The following PPP2R3A variants were observed in gnomAD, a reference collection of about 807,000 sequenced individuals.
PPP2R3A encodes the protein protein phosphatase 2 regulatory subunit B''alpha, also known as serine/threonine-protein phosphatase 2A regulatory subunit B'' subunit alpha.
Under a neutral mutation model 106.9 loss-of-function variants are expected in PPP2R3A, and 80 were observed. The ratio of observed to expected loss-of-function variants is 0.75; its 90% CI spans 0.62 to 0.90. The LOEUF (loss-of-function observed/expected upper bound fraction) is 0.90. PPP2R3A is among the 40% of genes least tolerant of loss of function. The probability of loss-of-function intolerance (pLI) is 0.00; values close to 1 mark genes in which losing one functional copy is unlikely to be tolerated. For synonymous variants in PPP2R3A, 483 were observed against 468.3 expected, an observed-to-expected ratio of 1.03 and a Z score of -0.41; for missense variants, 1,386 against 1,350.4, an observed-to-expected ratio of 1.03 and a Z score of -0.41.
chr3:136,008,363 C>G (rs1933918006), intron 2 of PPP2R3A, among the ~76,000 whole-genome samples: 1 of 152,174 alleles, frequency 6.6e-6, no homozygotes, highest in Non-Finnish European at 1.5e-5. Context: ...CTCTCCTCCT[C>G]TCAATTGCCA....
chr3:136,142,521 TAGG>T (rs2108038994), intron 13 of PPP2R3A, among the ~76,000 whole-genome samples: 2 of 152,244 alleles, frequency 1.3e-5, no homozygotes, highest in South Asian at 4.1e-4. Flanking sequence ...TCCCCCAATA[TAGG>T]ATTAGGTGTC....
chr3:136,136,076 ATATATAT>A (rs1938612367), intron 13 of PPP2R3A, among the ~76,000 whole-genome samples: 1 of 29,802 alleles, frequency 3.4e-5, no homozygotes, highest in African/African-American at 4.8e-5. Context: ...AAAAAAAATT[ATATATAT>A]ATATATATAT....
intron 1 of PPP2R3A, among the ~76,000 whole-genome samples, chr3:135,996,872 G>C (rs78330343): frequency 6.6e-6 from 1 of 151,976 alleles, no homozygotes; most frequent in Non-Finnish European, 1.5e-5. Flanking sequence ...CAATAATTTT[G>C]CTTTCAGTTT....
chr3:136,004,390 A>C (rs539680637), intron 2 of PPP2R3A, among the ~76,000 whole-genome samples: 151 of 152,304 alleles, frequency 9.9e-4, no homozygotes, highest in African/African-American at 3.5e-3. Context: ...CCATTGACCC[A>C]TCTAGGATAT....
intron 13 of PPP2R3A, among the ~76,000 whole-genome samples, chr3:136,135,805 C>T (rs1363561341): frequency 1.3e-5 from 2 of 151,994 alleles, no homozygotes; most frequent in Non-Finnish European, 2.9e-5. Context: ...AATCTCAACA[C>T]TTTGGGAGGC....
At chr3:136,049,197 G>T in intron 4 of PPP2R3A, 62 bp from the exon 5 acceptor site, 1 of 1,202,734 alleles carries the variant, frequency 8.3e-7, no homozygotes, top group Non-Finnish European at 1.2e-6. Context: ...ACTAACTATT[G>T]ATGTTATTGT....
chr3:136,078,404 G>A lies in PPP2R3A; in HGVS notation c.2582G>A (p.Trp861Ter), dbSNP rs747154260. 7.4e-6 allele frequency: 12 copies of A among 1,610,900 alleles called. No individual in the cohort carries two copies. The highest frequency in any genetic ancestry group is 1.0e-5 in the Non-Finnish European group (12 of 1,178,016). Reference protein sequence around the residue: ...QRIFYTVNRSWSGKITSTEIR... With the variant: ...QRIFYTVNRS ...ATATTCTACACAGTCAACAGATCTT[G>A]GAGTGGAAAAATTACTTCGACAGAG... Residue 861 changes from tryptophan (W) to a stop codon, truncating the protein, a stop_gained, in exon 7 of 14, where the codon TGG (tryptophan) becomes TAG (stop). Transcript: ENST00000264977. LOFTEE classifies it high-confidence loss of function.
At chr3:136,131,984 G>A (rs904566865) in intron 13 of PPP2R3A, among the ~76,000 whole-genome samples, 59 of 150,190 alleles carry the variant, frequency 3.9e-4, no homozygotes, top group Middle Eastern at 3.4e-3. Flanking sequence ...GACACAGGGC[G>A]GGGAACATCA....
chr3:136,064,758 G>C (rs1212788289), intron 5 of PPP2R3A, among the ~76,000 whole-genome samples: 1 of 152,166 alleles, frequency 6.6e-6, no homozygotes, highest in Non-Finnish European at 1.5e-5. Context: ...TAACCTCAAT[G>C]TCAGAAACAA....
intron 2 of PPP2R3A, among the ~76,000 whole-genome samples, chr3:136,020,297 G>A (rs1455572407): frequency 6.6e-6 from 1 of 151,920 alleles, no homozygotes; most frequent in Non-Finnish European, 1.5e-5. Flanking sequence ...TTTAACTCAG[G>A]CATTAATTTA....
rs529818430 is a variant in PPP2R3A, at chr3:135,987,330, C to T, written c.-440-13729C>T. 3.3e-5 allele frequency among the ~76,000 whole-genome samples: 5 copies of T among 152,234 alleles called. No individual in the cohort carries two copies. The East Asian group carries it at 9.6e-4, about 29-fold the overall frequency. On this transcript the variant is annotated intron_variant, in intron 1 of 13. Coordinates refer to ENST00000264977, the MANE Select transcript of PPP2R3A (RefSeq NM_002718.5). ...TGTGCTGGTTTCCTGATCCCAAGTT[C>T]TCCTAGGGCAATATGAAGAGGCCAG...
chr3:136,134,595 T>C (rs771363684), intron 13 of PPP2R3A, among the ~76,000 whole-genome samples: 74 of 152,178 alleles, frequency 4.9e-4, no homozygotes, highest in Non-Finnish European at 9.6e-4. Context: ...TGTGTGTATG[T>C]ATATACACAA....
intron 1 of PPP2R3A, among the ~76,000 whole-genome samples, chr3:135,987,920 C>T (rs1932992267): frequency 6.6e-6 from 1 of 152,172 alleles, no homozygotes; most frequent in Admixed American, 6.6e-5. Context: ...TTGAAGTGCC[C>T]CATGGCTCAG....
chr3:136,112,533 T>G (rs758886757), intron 13 of PPP2R3A, among the ~76,000 whole-genome samples: 1 of 152,100 alleles, frequency 6.6e-6, no homozygotes, highest in Non-Finnish European at 1.5e-5. Flanking sequence ...ACAATCCCAT[T>G]TGCAATAGCC....
At chr3:135,988,769 A>G (rs1933032173) in intron 1 of PPP2R3A, among the ~76,000 whole-genome samples, 1 of 152,140 alleles carries the variant, frequency 6.6e-6, no homozygotes, top group Admixed American at 6.6e-5. Context: ...TCATGGTATT[A>G]ATTTATTTCT....
chr3:136,097,708 GC>G (rs1263269735), intron 10 of PPP2R3A, among the ~76,000 whole-genome samples: 2 of 151,958 alleles, frequency 1.3e-5, no homozygotes, highest in African/African-American at 4.8e-5. Context: ...ATTCCCTTTT[GC>G]CTGATTTTGG....
At chr3:136,000,944 G>A (rs920403356) in intron 1 of PPP2R3A, 115 bp from the exon 2 acceptor site, 4 of 384,214 alleles carry the variant, frequency 1.0e-5, no homozygotes, top group African/African-American at 8.3e-5. Context: ...TCAGCTGTAA[G>A]GGATATTGCA....
chr3:136,085,842 T>G (rs1443016906), intron 8 of PPP2R3A, among the ~76,000 whole-genome samples: 2 of 152,066 alleles, frequency 1.3e-5, no homozygotes, highest in East Asian at 3.9e-4. Flanking sequence ...ATACCAGCAC[T>G]TTGGGAGGCC....
intron 2 of PPP2R3A, among the ~76,000 whole-genome samples, chr3:136,017,535 T>C (rs1245217831): frequency 1.3e-5 from 2 of 152,366 alleles, no homozygotes; most frequent in East Asian, 3.9e-4. Flanking sequence ...TGTGTATAAG[T>C]TTTTGTGTGG....
Sources: gnomAD v4.1 joint callset for allele counts (sites outside exome capture counted in the v4.1 genomes callset) on GRCh38, gnomAD v4.1.1 for gene constraint, MANE v1.5 for transcripts, NCBI Gene and HGNC (gene_info 2026-07-23, HGNC 2026-07-21) for gene names.